Variants in TAFA1 observed in about 807,000 individuals in gnomAD.
TAFA1 encodes the protein TAFA chemokine like family member 1.
Under a neutral mutation model 18.5 loss-of-function variants are expected in TAFA1, and 4 were observed. That is an observed-to-expected ratio of 0.22 (90% CI 0.11 to 0.49). TAFA1 has a LOEUF of 0.49. TAFA1 is among the 20% of genes least tolerant of loss of function. The probability of loss-of-function intolerance (pLI) is 0.98; values close to 1 mark genes in which losing one functional copy is unlikely to be tolerated. For synonymous variants in TAFA1, 56 were observed against 55.2 expected, an observed-to-expected ratio of 1.01 and a Z score of -0.06; for missense variants, 147 against 169.0, an observed-to-expected ratio of 0.87 and a Z score of 0.72.
At chr3:68,401,598 C>T (rs1000719647) in intron 2 of TAFA1, among the ~76,000 whole-genome samples, 2 of 152,210 alleles carry the variant, frequency 1.3e-5, no homozygotes, top group East Asian at 3.9e-4. Flanking sequence ...AATCTCCAGA[C>T]TTGCGTCTTT....
intron 2 of TAFA1, among the ~76,000 whole-genome samples, chr3:68,021,655 T>TAAG (rs1417526003): frequency 2.0e-5 from 3 of 152,248 alleles, no homozygotes; most frequent in Non-Finnish European, 2.9e-5. Context: ...AAGAATTACA[T>TAAG]AACTAACAAG....
intron 3 of TAFA1, among the ~76,000 whole-genome samples, chr3:68,479,100 G>A (rs1393223732): frequency 3.3e-5 from 5 of 149,984 alleles, no homozygotes; most frequent in Admixed American, 6.7e-5. Flanking sequence ...GCATGGTGAC[G>A]CGCGCCTGTA....
chr3:68,462,132 CTGTATTTTGA>C (rs2071795200), intron 3 of TAFA1, among the ~76,000 whole-genome samples: 2 of 151,838 alleles, frequency 1.3e-5, no homozygotes, highest in Non-Finnish European at 1.5e-5. Context: ...TTGTATTTTG[CTGTATTTTGA>C]GTATTCCTAA....
chr3:68,313,874 G>A (rs2068562783), intron 2 of TAFA1, among the ~76,000 whole-genome samples: 1 of 152,190 alleles, frequency 6.6e-6, no homozygotes, highest in Non-Finnish European at 1.5e-5. Context: ...GTGGAGAAAT[G>A]TGTGTTTTAA....
At chr3:68,027,260 C>T (rs1407746186) in intron 2 of TAFA1, among the ~76,000 whole-genome samples, 1 of 152,090 alleles carries the variant, frequency 6.6e-6, no homozygotes, top group Non-Finnish European at 1.5e-5. Flanking sequence ...TAGACTATTT[C>T]AATACTGGAG....
intron 2 of TAFA1, among the ~76,000 whole-genome samples, chr3:68,009,965 C>G (rs1050725184): frequency 6.6e-6 from 1 of 152,138 alleles, no homozygotes; most frequent in Non-Finnish European, 1.5e-5. Context: ...AACATAATCT[C>G]ATTTTCTCAA....
At chr3:68,428,556 G>A (rs1448501743) in intron 3 of TAFA1, among the ~76,000 whole-genome samples, 2 of 151,844 alleles carry the variant, frequency 1.3e-5, no homozygotes, top group Non-Finnish European at 2.9e-5. Flanking sequence ...CACCAACTCT[G>A]TAAGAACAGA....
In TAFA1 at chr3:68,141,236, G is replaced by A. The variant is rs77642220; in HGVS notation, c.118+134492G>A. Among the ~76,000 whole-genome samples the A allele has an allele frequency of 2.8e-3, 425 of 152,248 alleles. 3 individuals are homozygous for A. Among genetic ancestry groups the A allele is most frequent in the African/African-American group, 9.8e-3 (408 of 41,560 alleles). On this transcript the variant is annotated intron_variant, in intron 2 of 4. Coordinates refer to ENST00000478136, the MANE Select transcript of TAFA1 (RefSeq NM_213609.4). ...AGCCAAACTGCTGCACAAGAAATAA[G>A]CAACATTTATGTGGCCCCTATGTCT...
chr3:68,121,895 A>C (rs1000125005), intron 2 of TAFA1, among the ~76,000 whole-genome samples: 4 of 151,822 alleles, frequency 2.6e-5, no homozygotes, highest in African/African-American at 9.7e-5. Flanking sequence ...GGGAGGAGGG[A>C]AGATTAATTG....
intron 2 of TAFA1, among the ~76,000 whole-genome samples, chr3:68,285,711 C>T (rs561199463): frequency 5.3e-5 from 8 of 152,086 alleles, no homozygotes; most frequent in Admixed American, 3.3e-4. Flanking sequence ...ATGTGGATTT[C>T]GTTTGGGTCC....
chr3:68,425,248 G>A (rs2071030228), intron 3 of TAFA1, among the ~76,000 whole-genome samples: 1 of 151,944 alleles, frequency 6.6e-6, no homozygotes, highest in South Asian at 2.1e-4. Context: ...CACACACGAT[G>A]AAATACTGAG....
At chr3:68,496,560 A>T (rs573129054) in intron 3 of TAFA1, among the ~76,000 whole-genome samples, 2 of 152,208 alleles carry the variant, frequency 1.3e-5, no homozygotes, top group Admixed American at 1.3e-4. Flanking sequence ...GCCATCTTAG[A>T]TGTGTCCATC....
chr3:68,268,260 T>A lies in TAFA1; in HGVS notation c.119-149020T>A, dbSNP rs56123133. 9.7e-3 allele frequency among the ~76,000 whole-genome samples: 1,470 copies of A among 152,222 alleles called. 16 individuals carry two copies. The highest frequency in any genetic ancestry group is 0.03 in the African/African-American group (1,243 of 41,540). The stretch of plus-strand genomic sequence containing the variant: ...CTAAAAAAGGACAGCTACTTCAGGA[T>A]ATAAGAAAATAAGAGGAGAGAGAGC... On this transcript the variant is annotated intron_variant, in intron 2 of 4. Transcript: ENST00000478136.
chr3:68,457,890 A>C (rs2071694373), intron 3 of TAFA1, among the ~76,000 whole-genome samples: 1 of 152,132 alleles, frequency 6.6e-6, no homozygotes, highest in African/African-American at 2.4e-5. Context: ...ATGTTTTAAC[A>C]AACATCTTGT....
At chr3:68,259,225 G>C (rs1010953941) in intron 2 of TAFA1, among the ~76,000 whole-genome samples, 6 of 152,166 alleles carry the variant, frequency 3.9e-5, no homozygotes, top group African/African-American at 1.4e-4. Context: ...GGATTTAACT[G>C]TGTATTCCAC....
chr3:68,380,551 G>C (rs1215774989), intron 2 of TAFA1, among the ~76,000 whole-genome samples: 1 of 152,018 alleles, frequency 6.6e-6, no homozygotes, highest in Non-Finnish European at 1.5e-5. Flanking sequence ...TGTTTTTTTG[G>C]CTGCATAAAT....
chr3:68,476,788 A>G (rs1424575447), intron 3 of TAFA1, among the ~76,000 whole-genome samples: 2 of 152,186 alleles, frequency 1.3e-5, no homozygotes, highest in Non-Finnish European at 2.9e-5. Flanking sequence ...TAACCAGAAA[A>G]TTTTTATACC....
intron 2 of TAFA1, among the ~76,000 whole-genome samples, chr3:68,071,139 G>A (rs927920925): frequency 2.0e-5 from 3 of 152,220 alleles, no homozygotes; most frequent in African/African-American, 7.2e-5. Flanking sequence ...ACATGTCCGA[G>A]ACTGAGTAAT....
At chr3:68,120,177 CTTTCTTTCTTTCTTTCTT>C (rs2065375115) in intron 2 of TAFA1, among the ~76,000 whole-genome samples, 1 of 15,740 alleles carries the variant, frequency 6.4e-5, no homozygotes, top group Admixed American at 8.8e-4. Context: ...CTTTCTCTTT[CTTTCTTTCTTTCTTTCTT>C]TCTTTCTTTC....
Sources: gnomAD v4.1 joint callset for allele counts (sites outside exome capture counted in the v4.1 genomes callset) on GRCh38, gnomAD v4.1.1 for gene constraint, MANE v1.5 for transcripts, NCBI Gene and HGNC (gene_info 2026-07-23, HGNC 2026-07-21) for gene names.